Variants in CCSER1 observed in about 807,000 individuals in gnomAD.
CCSER1 encodes the protein serine-rich coiled-coil domain-containing protein 1.
In CCSER1, 41 loss-of-function variants were observed where a neutral mutation model predicts 82.0. That is an observed-to-expected ratio of 0.50 (90% confidence interval 0.39 to 0.65). CCSER1 has a LOEUF of 0.65. Among genes scored for constraint, CCSER1 ranks in the 30% least tolerant of loss-of-function variants. The probability of loss-of-function intolerance (pLI) is 0.00; values close to 1 mark genes in which losing one functional copy is unlikely to be tolerated. For synonymous variants in CCSER1, 414 were observed against 383.9 expected (o/e 1.08, Z -0.92); for missense variants, 1,119 against 1,064.2 (o/e 1.05, Z -0.72).
intron 6 of CCSER1, among the ~76,000 whole-genome samples, chr4:90,710,614 A>C (rs1301913915): frequency 1.3e-5 from 2 of 151,984 alleles, no homozygotes; most frequent in African/African-American, 4.8e-5. Flanking sequence ...TGTTTTTGTC[A>C]GCTTTGTTGA....
chr4:90,449,314 T>C (rs1298191559), intron 4 of CCSER1, among the ~76,000 whole-genome samples: 1 of 152,206 alleles, frequency 6.6e-6, no homozygotes, highest in African/African-American at 2.4e-5. Context: ...AAGTGAGTGC[T>C]GATGGGTTCA....
chr4:91,485,316 A>C (rs1758158017), intron 10 of CCSER1, among the ~76,000 whole-genome samples: 1 of 152,300 alleles, frequency 6.6e-6, no homozygotes, highest in South Asian at 2.1e-4. Flanking sequence ...AATGTCGGGG[A>C]AAATATTTTA....
At chr4:90,704,247 G>A (rs1046881599) in intron 6 of CCSER1, among the ~76,000 whole-genome samples, 1 of 152,134 alleles carries the variant, frequency 6.6e-6, no homozygotes, top group Non-Finnish European at 1.5e-5. Context: ...TAGTTTGGCT[G>A]GATATGAAAT....
At chr4:91,298,740 C>T (rs1041323564) in intron 10 of CCSER1, among the ~76,000 whole-genome samples, 1 of 151,996 alleles carries the variant, frequency 6.6e-6, no homozygotes, top group African/African-American at 2.4e-5. Context: ...TGTAAGACTA[C>T]AATATGTAGT....
intron 3 of CCSER1, among the ~76,000 whole-genome samples, chr4:90,354,084 A>G (rs746984578): frequency 7.2e-5 from 11 of 152,192 alleles, no homozygotes; most frequent in Non-Finnish European, 1.3e-4. Context: ...AATATGTGGT[A>G]TATATTAATG....
At position 90,946,639 on chromosome 4, in the gene CCSER1, A is replaced by AAAGAG. The variant is rs1554048419; in HGVS notation, c.2172+23193_2172+23194insAGAGA. Among the ~76,000 whole-genome samples the AAAGAG allele has an allele frequency of 1.0e-3, 155 of 148,730 alleles. 1 individual carries two copies. Among genetic ancestry groups the AAAGAG allele is most frequent in the South Asian group, 6.1e-3 (29 of 4,732 alleles). On this transcript the variant is annotated intron_variant, in intron 9 of 10. Transcript: ENST00000509176. ...GACTGCACCTCAAAAAAAAAAAAAA[A>AAAGAG]AGAGATTATAGAGGAGTAAATTATG...
intron 6 of CCSER1, among the ~76,000 whole-genome samples, chr4:90,701,601 T>A (rs6852943): frequency 1.3e-5 from 2 of 152,238 alleles, no homozygotes; most frequent in Non-Finnish European, 2.9e-5. Context: ...ACGATATTGA[T>A]TCTTCCTACC....
At chr4:90,650,656 T>G (rs950690501) in intron 6 of CCSER1, among the ~76,000 whole-genome samples, 1 of 152,194 alleles carries the variant, frequency 6.6e-6, no homozygotes. Flanking sequence ...TGCTTCTTGG[T>G]ATCAATTTTG....
intron 10 of CCSER1, among the ~76,000 whole-genome samples, chr4:91,116,644 T>G (rs976886126): frequency 3.3e-5 from 5 of 152,278 alleles, no homozygotes; most frequent in East Asian, 1.9e-4. Flanking sequence ...AGATGGTGGT[T>G]GTTGTTGCTG....
chr4:91,345,490 G>T (rs1196103833), intron 10 of CCSER1, among the ~76,000 whole-genome samples: 3 of 152,084 alleles, frequency 2.0e-5, no homozygotes, highest in African/African-American at 7.2e-5. Flanking sequence ...GTAAACCTTT[G>T]CAACAAATTG....
At chr4:90,193,479 G>A (rs1394168216) in intron 1 of CCSER1, among the ~76,000 whole-genome samples, 1 of 151,884 alleles carries the variant, frequency 6.6e-6, no homozygotes, top group Non-Finnish European at 1.5e-5. Context: ...CTGTACATTG[G>A]GTTGTTTTAT....
intron 5 of CCSER1, among the ~76,000 whole-genome samples, chr4:90,578,361 CT>C (rs1343605549): frequency 6.6e-6 from 1 of 152,084 alleles, no homozygotes; most frequent in Admixed American, 6.6e-5. Flanking sequence ...CCTTTTTGAG[CT>C]TGTAGAGGCC....
intron 4 of CCSER1, among the ~76,000 whole-genome samples, chr4:90,455,807 C>T (rs889693062): frequency 1.3e-5 from 2 of 152,118 alleles, no homozygotes; most frequent in African/African-American, 4.8e-5. Context: ...GGAGGATGAC[C>T]TCCATCCACG....
At chr4:90,520,653 A>G (rs1278187023) in intron 5 of CCSER1, among the ~76,000 whole-genome samples, 1 of 152,228 alleles carries the variant, frequency 6.6e-6, no homozygotes, top group Non-Finnish European at 1.5e-5. Flanking sequence ...AAACCTTACT[A>G]CTTAATGGTG....
intron 10 of CCSER1, among the ~76,000 whole-genome samples, chr4:91,155,044 A>AAT (rs1203621532): frequency 2.6e-5 from 4 of 151,280 alleles, no homozygotes; most frequent in African/African-American, 9.7e-5. Flanking sequence ...TAAAAAAAAA[A>AAT]ATCCTAAAAC....
intron 9 of CCSER1, among the ~76,000 whole-genome samples, chr4:90,984,557 CA>C (rs1736414531): frequency 6.6e-6 from 1 of 151,636 alleles, no homozygotes; most frequent in Admixed American, 6.6e-5. Flanking sequence ...AGAGTCTAAA[CA>C]AGTGTCTCTT....
At chr4:90,324,527 T>C (rs1291538440) in intron 3 of CCSER1, among the ~76,000 whole-genome samples, 3 of 151,078 alleles carry the variant, frequency 2.0e-5, no homozygotes, top group Non-Finnish European at 2.9e-5. Context: ...GTTTGTTTTT[T>C]TCTTGTAAAT....
chr4:91,050,332 G>A (rs1742887702), intron 9 of CCSER1, among the ~76,000 whole-genome samples: 1 of 151,918 alleles, frequency 6.6e-6, no homozygotes, highest in African/African-American at 2.4e-5. Context: ...TTGGGAGGCT[G>A]GGGCAGGAGA....
intron 5 of CCSER1, among the ~76,000 whole-genome samples, chr4:90,601,952 T>A (rs1485526271): frequency 1.3e-5 from 2 of 152,128 alleles, no homozygotes; most frequent in African/African-American, 4.8e-5. Context: ...GTAGTAAGAT[T>A]TGTTTTTTGG....
Sources: gnomAD v4.1 joint callset for allele counts (sites outside exome capture counted in the v4.1 genomes callset) on GRCh38, gnomAD v4.1.1 for gene constraint, MANE v1.5 for transcripts, NCBI Gene and HGNC (gene_info 2026-07-23, HGNC 2026-07-21) for gene names.